CLASP2: variants seen among roughly 807,000 people sequenced by gnomAD.
The protein encoded by CLASP2 is CLIP-associating protein 2.
CLASP2 carries 47 observed loss-of-function variants against 194.4 expected under a neutral mutation model. The ratio of observed to expected loss-of-function variants is 0.24; its 90% CI spans 0.19 to 0.31. The LOEUF (loss-of-function observed/expected upper bound fraction) is 0.31. CLASP2 is among the 10% of genes least tolerant of loss of function. The pLI is 1.00. For synonymous variants in CLASP2, 619 were observed against 633.5 expected (o/e 0.98, Z 0.34); for missense variants, 1,445 against 1,823.6 (o/e 0.79, Z 3.78).
At chr3:33,688,999 A>G (rs1174642492) in intron 3 of CLASP2, among the ~76,000 whole-genome samples, 1 of 152,134 alleles carries the variant, frequency 6.6e-6, no homozygotes. Flanking sequence ...CAACTGTACC[A>G]ATCAATCCTT....
chr3:33,527,179 C>T (rs2054796376), intron 34 of CLASP2, among the ~76,000 whole-genome samples: 1 of 151,992 alleles, frequency 6.6e-6, no homozygotes, highest in South Asian at 2.1e-4. Context: ...TCAATGGATT[C>T]AGGAGTTGTT....
chr3:33,498,615 G>A lies in CLASP2; in HGVS notation c.*16C>T. On this transcript the variant is annotated 3_prime_UTR_variant, in exon 39 of 39. Coordinates refer to ENST00000682230, the MANE Select transcript of CLASP2 (RefSeq NM_001365631.1). The stretch of plus-strand genomic sequence containing the variant: ...TCCTTTCTTTTGAGAGACCTGGTTC[G>A]CTGTGATGAGCTTCACTAACTTTGT... 6 of 1,574,674 alleles carry A rather than the reference G, an allele frequency of 3.8e-6. No individual in the cohort carries two copies. The highest frequency in any genetic ancestry group is 5.2e-6 in the Non-Finnish European group (6 of 1,146,394).
chr3:33,515,696 T>C (rs2051129484), intron 36 of CLASP2, among the ~76,000 whole-genome samples: 1 of 152,206 alleles, frequency 6.6e-6, no homozygotes, highest in Non-Finnish European at 1.5e-5. Flanking sequence ...TCTTCATTAG[T>C]TATTTTAAAA....
At chr3:33,598,411 C>T (rs545352680) in intron 18 of CLASP2, among the ~76,000 whole-genome samples, 54 of 152,214 alleles carry the variant, frequency 3.5e-4, no homozygotes, top group African/African-American at 1.3e-3. Context: ...TCCCTTCCAT[C>T]ACTTCCTCCC....
intron 10 of CLASP2, among the ~76,000 whole-genome samples, chr3:33,624,840 T>C (rs1225527269): frequency 1.3e-5 from 2 of 152,070 alleles, no homozygotes; most frequent in African/African-American, 4.8e-5. Flanking sequence ...GTAAAATAAA[T>C]ACATTTAAAT....
intron 1 of CLASP2, among the ~76,000 whole-genome samples, chr3:33,714,414 C>T (rs550366962): frequency 1.3e-5 from 2 of 152,230 alleles, no homozygotes; most frequent in Non-Finnish European, 2.9e-5. Context: ...TCACACCTAA[C>T]ACAGTAAAAA....
intron 9 of CLASP2, among the ~76,000 whole-genome samples, chr3:33,628,504 A>T (rs745346091): frequency 9.2e-5 from 14 of 152,140 alleles, no homozygotes; most frequent in Non-Finnish European, 1.3e-4. Context: ...TTGAAAACCC[A>T]CTAAGTTAGG....
intron 16 of CLASP2, 95 bp downstream of exon 16, chr3:33,606,496 G>T: frequency 3.1e-6 from 3 of 958,222 alleles, no homozygotes; most frequent in South Asian, 1.7e-5. Context: ...CAAGGCTTTA[G>T]GTGAAAGCAA....
intron 8 of CLASP2, among the ~76,000 whole-genome samples, chr3:33,633,005 A>T (rs570545392): frequency 1.3e-5 from 2 of 152,174 alleles, no homozygotes; most frequent in Admixed American, 6.5e-5. Context: ...CTCCTCTTAA[A>T]CTCTGGCAAT....
chr3:33,570,636 A>G, intron 26 of CLASP2, 91 bp downstream of exon 26: 1 of 1,462,798 alleles, frequency 6.8e-7, no homozygotes, highest in Non-Finnish European at 9.3e-7. Context: ...ATTTTGGGAC[A>G]ATAAAATAAA....
At chr3:33,513,486 C>T (rs529758068) in intron 36 of CLASP2, among the ~76,000 whole-genome samples, 25 of 152,236 alleles carry the variant, frequency 1.6e-4, no homozygotes, top group Non-Finnish European at 3.1e-4. Context: ...GAGCTGAGAT[C>T]GTGCCACTGC....
intron 38 of CLASP2, among the ~76,000 whole-genome samples, chr3:33,501,372 G>C (rs1270727861): frequency 1.3e-5 from 2 of 152,094 alleles, no homozygotes; most frequent in Admixed American, 6.6e-5. Context: ...ATTTGGTAAG[G>C]AGTCAGCTAA....
At chr3:33,672,021 G>C (rs113659545) in intron 6 of CLASP2, among the ~76,000 whole-genome samples, 11 of 152,350 alleles carry the variant, frequency 7.2e-5, no homozygotes, top group Admixed American at 2.0e-4. Context: ...GCAGGGCACA[G>C]ACAAACAAAA....
intron 24 of CLASP2, chr3:33,574,545 A>G (rs2064429065): frequency 8.3e-7 from 1 of 1,204,828 alleles, no homozygotes. Flanking sequence ...AATGAAGAAC[A>G]TTTTGCTAAT....
Position 33,510,614 on chromosome 3 carries a change from C to T in CLASP2, c.4261G>A (p.Val1421Met), listed in dbSNP as rs2049460814. 1.2e-6 allele frequency: 2 copies of T among 1,613,798 alleles called. No homozygotes were observed. Among genetic ancestry groups the T allele is most frequent in the African/African-American group, 1.3e-5 (1 of 74,918 alleles). ...AGCAGGTTTAGGGTTTCCTTGGACA[C>T]TCTCTCTATCACTTTTGTTTGCATT... is the stretch of plus-strand genomic sequence containing the variant. Reference protein sequence around the residue: ...IKMQTKVIERVSKETLNLLLP... With the variant: ...IKMQTKVIERMSKETLNLLLP... The change falls in exon 37 of 39, where the codon GTG (valine) becomes ATG (methionine). Residue 1421 changes from valine to methionine, a missense_variant. Coordinates refer to ENST00000682230, the MANE Select transcript of CLASP2 (RefSeq NM_001365631.1).
intron 26 of CLASP2, among the ~76,000 whole-genome samples, chr3:33,568,158 A>T (rs1417249243): frequency 6.6e-6 from 1 of 152,192 alleles, no homozygotes; most frequent in African/African-American, 2.4e-5. Flanking sequence ...CATATATGAC[A>T]GGGGTCAGCA....
At chr3:33,592,531 T>G in intron 20 of CLASP2, 35 bp from the exon 21 acceptor site, 1 of 1,486,988 alleles carries the variant, frequency 6.7e-7, no homozygotes, top group Non-Finnish European at 9.2e-7. Context: ...TTAAAAACAT[T>G]TTTCTATAAT....
At chr3:33,608,511 T>C in intron 14 of CLASP2, 56 bp downstream of exon 14, 1 of 1,352,964 alleles carries the variant, frequency 7.4e-7, no homozygotes, top group East Asian at 2.3e-5. Flanking sequence ...CATCAACTTC[T>C]AAAGAACTGG....
At chr3:33,515,970 A>C in intron 36 of CLASP2, 53 bp downstream of exon 36, 1 of 1,531,376 alleles carries the variant, frequency 6.5e-7, no homozygotes, top group Admixed American at 2.1e-5. Context: ...CAATGGTTAC[A>C]TGTTTCATGA....
Sources: gnomAD v4.1 joint callset for allele counts (sites outside exome capture counted in the v4.1 genomes callset) on GRCh38, gnomAD v4.1.1 for gene constraint, MANE v1.5 for transcripts, NCBI Gene and HGNC (gene_info 2026-07-23, HGNC 2026-07-21) for gene names.